Variants in CFAP74 observed in about 807,000 individuals in gnomAD.
CFAP74 encodes cilia- and flagella-associated protein 74.
CFAP74 carries 124 observed loss-of-function variants against 188.9 expected under a neutral mutation model. The ratio of observed to expected loss-of-function variants is 0.66; its 90% CI spans 0.57 to 0.76. The LOEUF (loss-of-function observed/expected upper bound fraction) is 0.76. Among genes scored for constraint, CFAP74 ranks in the 30% least tolerant of loss-of-function variants. The pLI is 0.00. For synonymous variants in CFAP74, 956 were observed against 916.7 expected (o/e 1.04, Z -0.77); for missense variants, 2,198 against 2,165.2 (o/e 1.02, Z -0.30).
Position 1,959,101 on chromosome 1 carries a change from C to T in CFAP74, c.1851+19G>A, listed in dbSNP as rs778700557. On this transcript the variant is annotated intron_variant, in intron 16 of 38. Coordinates refer to ENST00000682832, the MANE Select transcript of CFAP74 (RefSeq NM_001304360.2). ...CAGCATGCCCCGAGAAATGCTGGCT[C>T]GGACACCTTTGAACTCACCGAACAT... The T allele has an allele frequency of 9.3e-5, 147 of 1,573,460 alleles. No individual in the cohort carries two copies. The highest frequency in any genetic ancestry group is 1.7e-4 in the Middle Eastern group (1 of 6,014).
rs1417306908 is a variant in CFAP74, at chr1:1,944,495, C to T, written c.2365-43G>A. The stretch of plus-strand genomic sequence containing the variant: ...AGCTCAGCAACAGGAGTTCCTTGGG[C>T]ACAGCAGGCATTGTTGGTGAGCACT... On this transcript the variant is annotated intron_variant, in intron 20 of 38. Transcript: ENST00000682832. 2.0e-6 allele frequency: 3 copies of T among 1,526,876 alleles called. No homozygotes were observed. The East Asian group carries it at 7.4e-5, about 38-fold the overall frequency. The allele number at this position is 1,526,876 out of a possible 1,614,324, so 94.6% of individuals were successfully genotyped here.
intron 1 of CFAP74, among the ~76,000 whole-genome samples, chr1:1,994,413 C>A (rs1425223125): frequency 6.6e-6 from 1 of 152,076 alleles, no homozygotes; most frequent in African/African-American, 2.4e-5. Context: ...CAGTGCCTAG[C>A]AATGTTTCTT....
intron 17 of CFAP74, 39 bp from the exon 18 acceptor site, chr1:1,955,889 C>T (rs1419882495): frequency 1.3e-6 from 2 of 1,581,792 alleles, no homozygotes; most frequent in Non-Finnish European, 1.7e-6. Flanking sequence ...GGGAGGTTTC[C>T]CACCTCCTTT....
At chr1:1,990,388 C>CG (rs1042160315) in intron 2 of CFAP74, among the ~76,000 whole-genome samples, 4 of 78,504 alleles carry the variant, frequency 5.1e-5, no homozygotes, top group East Asian at 6.9e-4. Context: ...GAGACAGTGG[C>CG]GGGGGGCAGG....
chr1:1,977,602 T>G (rs1380885418), intron 6 of CFAP74, among the ~76,000 whole-genome samples: 1 of 152,076 alleles, frequency 6.6e-6, no homozygotes, highest in Admixed American at 6.5e-5. Flanking sequence ...TGGGGGAAGG[T>G]GTGTGGGAAT....
Position 1,923,804 on chromosome 1 carries a change from C to A in CFAP74, c.4360G>T (p.Asp1454Tyr), listed in dbSNP as rs774046284. The A allele has an allele frequency of 3.1e-6, 5 of 1,613,432 alleles. No individual in the cohort carries two copies. The South Asian group carries it at 3.3e-5, about 11-fold the overall frequency. ...TCAAAGAGCACCACCTGGAGCTTGT[C>A]GGAGAAGTAGAGGCTTTCGTGGTCG... ...SPDHESLYFS[D>Y]KLQVVLFEKK... The change falls in exon 35 of 39, where the codon GAC becomes TAC. Residue 1454 changes from aspartate to tyrosine, a missense_variant. Coordinates refer to ENST00000682832, the MANE Select transcript of CFAP74 (RefSeq NM_001304360.2). This position sits in a 1 kb window ranked among gnomAD's most constrained non-coding sequence, Gnocchi z 6.3.
intron 2 of CFAP74, among the ~76,000 whole-genome samples, chr1:1,989,259 C>G (rs745855861): frequency 6.6e-6 from 1 of 152,196 alleles, no homozygotes; most frequent in Non-Finnish European, 1.5e-5. Context: ...AAGAGTTAAG[C>G]TGCTGACCCT....
At chr1:1,963,912 C>A (rs759756662) in intron 13 of CFAP74, 45 bp from the exon 14 acceptor site, 1 of 1,294,206 alleles carries the variant, frequency 7.7e-7, no homozygotes, top group East Asian at 2.3e-5. Flanking sequence ...TCACAGGGGG[C>A]TGTGCTGTGA....
chr1:1,925,879 G>A lies in CFAP74; in HGVS notation c.4008C>T (p.Gly1336=), dbSNP rs1651847734. 2 of 1,612,726 alleles carry A rather than the reference G, an allele frequency of 1.2e-6. No homozygotes were observed. The highest frequency in any genetic ancestry group is 1.7e-6 in the Non-Finnish European group (2 of 1,179,914). ...ACGTGATCATGGACGCCACGCCAGT[G>A]CCCATGAGGGTGAGGGTGAGCGTGC... ...KRGTLTLTLM[G]TGVASMITCS... The change falls in exon 33 of 39, where the codon GGC becomes GGT. Residue 1336 remains glycine, a synonymous_variant. Transcript: ENST00000682832.
At chr1:1,950,041 C>T (rs980412677) in intron 18 of CFAP74, among the ~76,000 whole-genome samples, 1 of 152,228 alleles carries the variant, frequency 6.6e-6, no homozygotes, top group African/African-American at 2.4e-5. Context: ...CTAGGAGTGG[C>T]CTTGGTGGGT....
chr1:1,939,333 A>G (rs946028678), intron 24 of CFAP74, among the ~76,000 whole-genome samples: 53 of 152,366 alleles, frequency 3.5e-4, no homozygotes, highest in African/African-American at 1.2e-3. Context: ...GTGTGGCCCC[A>G]GCAGGGGAAA....
intron 33 of CFAP74, 111 bp downstream of exon 33, chr1:1,925,672 C>T: frequency 8.1e-7 from 1 of 1,229,034 alleles, no homozygotes; most frequent in Non-Finnish European, 1.1e-6. Flanking sequence ...CACCTGTGTC[C>T]CCACGGGCTC....
chr1:1,980,538 G>A (rs926662188), intron 6 of CFAP74, among the ~76,000 whole-genome samples: 1 of 152,232 alleles, frequency 6.6e-6, no homozygotes, highest in Non-Finnish European at 1.5e-5. Context: ...CTGCGCAGGC[G>A]CTGAGGACCG....
At chr1:1,924,581 C>T (rs930217028) in intron 33 of CFAP74, 61 bp from the exon 34 acceptor site, 77 of 1,542,170 alleles carry the variant, frequency 5.0e-5, no homozygotes, top group Middle Eastern at 1.8e-4. Flanking sequence ...CCCTTCCTGT[C>T]GTCGGTGCCC....
intron 26 of CFAP74, among the ~76,000 whole-genome samples, chr1:1,929,177 G>C (rs1476562650): frequency 6.7e-6 from 1 of 150,348 alleles, no homozygotes; most frequent in African/African-American, 2.5e-5. Context: ...TGTCCTCGGG[G>C]CAGCAGTGAC....
intron 18 of CFAP74, 135 bp from the exon 19 acceptor site, chr1:1,947,189 C>G: frequency 1.4e-6 from 1 of 698,132 alleles, no homozygotes; most frequent in East Asian, 2.8e-5. Flanking sequence ...TGGAGCCATC[C>G]GTGTGGCCCC....
chr1:1,932,843 C>T (rs1304830004), intron 25 of CFAP74, among the ~76,000 whole-genome samples: 5 of 151,082 alleles, frequency 3.3e-5, no homozygotes, highest in Non-Finnish European at 5.9e-5. Flanking sequence ...CTGCCCGCCT[C>T]GGCCTCCTCA....
intron 11 of CFAP74, among the ~76,000 whole-genome samples, chr1:1,967,026 T>C (rs1655520455): frequency 6.6e-6 from 1 of 152,050 alleles, no homozygotes; most frequent in Admixed American, 6.5e-5. Flanking sequence ...TTAGTAGAGA[T>C]GGGGTTTCAC....
intron 33 of CFAP74, among the ~76,000 whole-genome samples, chr1:1,925,261 C>T (rs2092922): frequency 0.85 from 122,606 of 144,156 alleles, 51,935 homozygotes; most frequent in African/African-American, 0.93. Flanking sequence ...CACAGGGCAG[C>T]GCGAAGGCAC....
Sources: gnomAD v4.1 joint callset for allele counts (sites outside exome capture counted in the v4.1 genomes callset) on GRCh38, gnomAD v4.1.1 for gene constraint, Gnocchi (gnomAD v3.1) non-coding constraint, MANE v1.5 for transcripts, NCBI Gene and HGNC (gene_info 2026-07-23, HGNC 2026-07-21) for gene names.